PTPN11: variants seen among roughly 807,000 people sequenced by gnomAD.
The protein encoded by PTPN11 is protein tyrosine phosphatase non-receptor type 11.
Under a neutral mutation model 78.8 loss-of-function variants are expected in PTPN11, and 6 were observed. The observed-to-expected ratio is 0.08, with a 90% CI of 0.04 to 0.15. The LOEUF (loss-of-function observed/expected upper bound fraction) is 0.15. Among genes scored for constraint, PTPN11 ranks in the 10% least tolerant of loss-of-function variants. The probability of loss-of-function intolerance (pLI) is 1.00; values close to 1 mark genes in which losing one functional copy is unlikely to be tolerated. For synonymous variants in PTPN11, 221 were observed against 263.5 expected, an observed-to-expected ratio of 0.84 and a Z score of 1.56; for missense variants, 386 against 744.8, an observed-to-expected ratio of 0.52 and a Z score of 5.61.
intron 1 of PTPN11, among the ~76,000 whole-genome samples, chr12:112,424,235 G>T (rs142793492): frequency 1.5e-3 from 223 of 152,306 alleles, no homozygotes; most frequent in African/African-American, 5.0e-3. Flanking sequence ...GCTGAAGTGG[G>T]AGAAGATCTC....
rs2135862519 is a variant in PTPN11 at position 112,450,428 on chromosome 12, A to G, written c.248A>G (p.Glu83Gly). The part of the protein sequence containing the change: ...TLAELVQYYM[E>G]HHGQLKEKNG... The stretch of plus-strand genomic sequence containing the variant: ...GCTGAGTTGGTCCAGTATTACATGG[A>G]ACATCACGGGCAATTAAAAGAGAAG... Residue 83 changes from glutamate (E) to glycine (G), a missense_variant, in exon 3 of 16, where the codon GAA becomes GGA. By Grantham distance (98) the Glu-to-Gly change is moderately conservative (BLOSUM62 -2). Around this residue, in one of 3 missense-constraint regions of PTPN11, gnomAD observed 279 missense variants for 503.3 expected, o/e 0.55. Transcript: ENST00000351677. 1.2e-6 allele frequency: 2 copies of G among 1,613,956 alleles called. No individual in the cohort carries two copies. The highest frequency in any genetic ancestry group is 1.3e-5 in the African/African-American group (1 of 75,042).
chr12:112,497,171 C>CAAA (rs59581934), intron 13 of PTPN11, among the ~76,000 whole-genome samples: 6 of 73,568 alleles, frequency 8.2e-5, no homozygotes, highest in Non-Finnish European at 9.5e-5. Context: ...GACTCTGTCT[C>CAAA]AAAAAAAAAA....
At chr12:112,459,367 T>C (rs1327414406) in intron 6 of PTPN11, among the ~76,000 whole-genome samples, 3 of 151,968 alleles carry the variant, frequency 2.0e-5, no homozygotes, top group African/African-American at 2.4e-5. Flanking sequence ...CTGTTGATAA[T>C]ATGGCCAATC....
In PTPN11 at chr12:112,461,514, A is replaced by T. The variant is rs551873588; in HGVS notation, c.756+5451A>T. 4.6e-5 allele frequency among the ~76,000 whole-genome samples: 7 copies of T among 151,714 alleles called. No individual in the cohort carries two copies. The South Asian group carries it at 1.5e-3, about 32-fold the overall frequency. ...CTAATTTTTTGATTCTTTTGTAGAG[A>T]TGAGGTCTCACTTTATTTCCCAGGC... On this transcript the variant is annotated intron_variant, in intron 6 of 15. Transcript: ENST00000351677.
At chr12:112,437,314 C>T (rs536021000) in intron 1 of PTPN11, among the ~76,000 whole-genome samples, 5 of 151,796 alleles carry the variant, frequency 3.3e-5, no homozygotes, top group South Asian at 4.2e-4. Flanking sequence ...CCTGCCACCG[C>T]GCCTGGCTAA....
chr12:112,482,996 C>A lies in PTPN11; in HGVS notation c.1224+791C>A, dbSNP rs2038620525. Among the ~76,000 whole-genome samples the A allele has an allele frequency of 6.6e-6, 1 of 152,134 alleles. No homozygotes were observed. The highest frequency in any genetic ancestry group is 2.1e-4 in the South Asian group (1 of 4,828). On this transcript the variant is annotated intron_variant, in intron 10 of 15. Transcript: ENST00000351677. This position sits in a 1 kb window ranked among gnomAD's most constrained non-coding sequence, Gnocchi z 4.4. Reference sequence around the variant, plus strand: ...TGTTCAATGACCTCTTGGTTCCTGGCACCATGCTGCTTGCTGGAGATAGAG... The same window carrying A: ...TGTTCAATGACCTCTTGGTTCCTGGAACCATGCTGCTTGCTGGAGATAGAG...
At chr12:112,490,609 AT>A (rs1448269781) in intron 13 of PTPN11, among the ~76,000 whole-genome samples, 1 of 151,600 alleles carries the variant, frequency 6.6e-6, no homozygotes, top group Non-Finnish European at 1.5e-5. Context: ...TGCCCGGCTA[AT>A]TTTTTTATCT....
intron 4 of PTPN11, 147 bp downstream of exon 4, chr12:112,453,534 C>A: frequency 1.4e-6 from 1 of 711,196 alleles, no homozygotes; most frequent in Non-Finnish European, 2.2e-6. Context: ...CAGGGTCTTG[C>A]TCTATCACCT....
At chr12:112,468,538 G>A (rs142327485) in intron 6 of PTPN11, among the ~76,000 whole-genome samples, 1 of 152,330 alleles carries the variant, frequency 6.6e-6, no homozygotes, top group East Asian at 1.9e-4. Context: ...GTGCAGATGA[G>A]GCTGGGCTAA....
intron 11 of PTPN11, among the ~76,000 whole-genome samples, chr12:112,487,128 TCTC>T (rs1566185910): frequency 6.7e-6 from 1 of 150,114 alleles, no homozygotes; most frequent in Admixed American, 6.6e-5. Context: ...TCTCTCTCTC[TCTC>T]TCTTTTTTTT....
At chr12:112,419,635 C>T (rs923714539) in intron 1 of PTPN11, among the ~76,000 whole-genome samples, 3 of 152,180 alleles carry the variant, frequency 2.0e-5, no homozygotes, top group Non-Finnish European at 1.5e-5. Flanking sequence ...TTTTATATGC[C>T]TCTTTGTGTC....
chr12:112,442,830 T>TTTTATATA (rs1348198967), intron 1 of PTPN11, among the ~76,000 whole-genome samples: 2 of 43,532 alleles, frequency 4.6e-5, no homozygotes, highest in African/African-American at 1.4e-4. Context: ...CTCTCTCTTT[T>TTTTATATA]TATATATATA....
chr12:112,477,427 A>AC (rs1457638445), intron 7 of PTPN11, among the ~76,000 whole-genome samples: 1 of 152,162 alleles, frequency 6.6e-6, no homozygotes, highest in African/African-American at 2.4e-5. Context: ...CATCCTATAT[A>AC]CCCATAGTAT....
chr12:112,449,841 G>A (rs926275037), intron 2 of PTPN11, among the ~76,000 whole-genome samples: 2 of 152,036 alleles, frequency 1.3e-5, no homozygotes, highest in Non-Finnish European at 2.9e-5. Context: ...CGAGGTGGGT[G>A]GATCACCTGT....
chr12:112,446,542 C>A, intron 2 of PTPN11, 144 bp downstream of exon 2: 1 of 1,145,330 alleles, frequency 8.7e-7, no homozygotes, highest in Non-Finnish European at 1.3e-6. Flanking sequence ...TGGGGAGTGG[C>A]CTCCTGGACA....
intron 13 of PTPN11, 108 bp from the exon 14 acceptor site, chr12:112,502,036 T>C: frequency 3.7e-6 from 3 of 815,594 alleles, no homozygotes; most frequent in African/African-American, 3.4e-5. Context: ...CTATCAATTT[T>C]TTTTTCTTTC....
At chr12:112,445,701 G>C (rs1354257648) in intron 1 of PTPN11, among the ~76,000 whole-genome samples, 3 of 150,672 alleles carry the variant, frequency 2.0e-5, no homozygotes, top group African/African-American at 4.9e-5. Flanking sequence ...GAGTGCAGTG[G>C]TGTGATCTTG....
chr12:112,488,543 T>C, intron 12 of PTPN11, 33 bp downstream of exon 12: 1 of 1,563,748 alleles, frequency 6.4e-7, no homozygotes, highest in South Asian at 1.1e-5. Flanking sequence ...AGCGACAGTT[T>C]CTGTTTTTAG....
At chr12:112,440,080 G>T (rs1036083322) in intron 1 of PTPN11, among the ~76,000 whole-genome samples, 1 of 152,020 alleles carries the variant, frequency 6.6e-6, no homozygotes, top group African/African-American at 2.4e-5. Context: ...GAAGCCAGTT[G>T]TCATTACTTT....
Sources: allele counts gnomAD v4.1 joint callset (sites outside exome capture counted in the v4.1 genomes callset), GRCh38; gene constraint gnomAD v4.1.1; regional missense constraint gnomAD v4.1.1; non-coding constraint Gnocchi (gnomAD v3.1); transcripts MANE v1.5; gene names NCBI Gene and HGNC (gene_info 2026-07-23, HGNC 2026-07-21).